GULP1: variants seen among roughly 807,000 people sequenced by gnomAD.
GULP1 encodes GULP PTB domain containing engulfment adaptor 1.
Under a neutral mutation model 40.9 loss-of-function variants are expected in GULP1, and 19 were observed. That is an observed-to-expected ratio of 0.46 (90% CI 0.32 to 0.68). The LOEUF is 0.68. GULP1 is among the 30% of genes least tolerant of loss of function. GULP1 has a pLI of 0.03. For synonymous variants in GULP1, 119 were observed against 117.6 expected, an observed-to-expected ratio of 1.01 and a Z score of -0.08; for missense variants, 312 against 362.2, an observed-to-expected ratio of 0.86 and a Z score of 1.12.
At chr2:188,444,728 A>G (rs1034686085) in intron 2 of GULP1, among the ~76,000 whole-genome samples, 1 of 152,208 alleles carries the variant, frequency 6.6e-6, no homozygotes, top group Admixed American at 6.5e-5. Context: ...AGTACTTTGT[A>G]GATTATAAGC....
intron 4 of GULP1, among the ~76,000 whole-genome samples, chr2:188,512,237 A>G (rs1361661279): frequency 1.3e-5 from 2 of 152,148 alleles, no homozygotes; most frequent in Admixed American, 6.5e-5. Flanking sequence ...AGGCTCTGCA[A>G]CATTGGTTAC....
At chr2:188,476,715 T>C (rs911443757) in intron 2 of GULP1, among the ~76,000 whole-genome samples, 1 of 152,138 alleles carries the variant, frequency 6.6e-6, no homozygotes, top group African/African-American at 2.4e-5. Context: ...TTCATGAATA[T>C]TCTGTTGCTA....
chr2:188,429,116 G>A (rs2056564067), intron 2 of GULP1, among the ~76,000 whole-genome samples: 1 of 152,022 alleles, frequency 6.6e-6, no homozygotes, highest in South Asian at 2.1e-4. Context: ...ATCACATGAA[G>A]GCAGTTTATT....
intron 3 of GULP1, among the ~76,000 whole-genome samples, chr2:188,478,070 C>G (rs1396892667): frequency 1.3e-5 from 2 of 152,000 alleles, no homozygotes; most frequent in African/African-American, 4.8e-5. Flanking sequence ...ATTCCCTGGG[C>G]TTACATAAGA....
intron 2 of GULP1, among the ~76,000 whole-genome samples, chr2:188,407,230 G>A (rs1005116894): frequency 6.6e-6 from 1 of 152,128 alleles, no homozygotes; most frequent in Non-Finnish European, 1.5e-5. Context: ...AGTACCACCA[G>A]ACCTATCTTA....
In GULP1 at chr2:188,445,538, C is replaced by T. The variant is rs533314515; in HGVS notation, c.-44-32121C>T. Among the ~76,000 whole-genome samples, 34 of 152,166 alleles carry T rather than the reference C, an allele frequency of 2.2e-4. 1 individual carries two copies. Among genetic ancestry groups the T allele is most frequent in the Admixed American group, 2.2e-3 (34 of 15,260 alleles). The stretch of plus-strand genomic sequence containing the variant: ...AACAATGGAAAAGGCATGTTTGAGA[C>T]CTCATCATGTCTCTTATATCTATTT... On this transcript the variant is annotated intron_variant, in intron 2 of 11. Transcript: ENST00000409830.
chr2:188,504,295 A>G (rs1438309610), intron 4 of GULP1, among the ~76,000 whole-genome samples: 1 of 151,942 alleles, frequency 6.6e-6, no homozygotes, highest in Admixed American at 6.6e-5. Flanking sequence ...GTAGAAATTC[A>G]TTGGGACTTT....
At position 188,541,107 on chromosome 2, in the gene GULP1, T is replaced by G. The variant is rs1270908394; in HGVS notation, c.262-74T>G. 1.8e-5 allele frequency: 23 copies of G among 1,264,728 alleles called. 1 individual carries two copies. Among genetic ancestry groups the G allele is most frequent in the Non-Finnish European group, 2.6e-5 (23 of 888,546 alleles). The allele number at this position is 1,264,728 out of a possible 1,614,324, so 78.3% of individuals were successfully genotyped here. On this transcript the variant is annotated intron_variant, in intron 6 of 11. Coordinates refer to ENST00000409830, the MANE Select transcript of GULP1 (RefSeq NM_016315.4). The stretch of plus-strand genomic sequence containing the variant: ...GTTCTACTTTTAAAGTCACATGTTA[T>G]TAACACAAACGAGTATTTCAGAAAA...
intron 11 of GULP1, chr2:188,588,336 T>G (rs896345841): frequency 3.2e-5 from 6 of 188,970 alleles, no homozygotes; most frequent in Non-Finnish European, 6.7e-5. Context: ...AAGGAAAATC[T>G]TTGTAAGAGT....
chr2:188,444,889 A>G (rs1196757317), intron 2 of GULP1, among the ~76,000 whole-genome samples: 1 of 152,186 alleles, frequency 6.6e-6, no homozygotes, highest in East Asian at 1.9e-4. Context: ...TACCAAATGT[A>G]TCTTTTTAGA....
At chr2:188,463,137 T>G (rs2059844915) in intron 2 of GULP1, among the ~76,000 whole-genome samples, 1 of 152,208 alleles carries the variant, frequency 6.6e-6, no homozygotes, top group African/African-American at 2.4e-5. Flanking sequence ...CATTTCTTAT[T>G]GCTCATTAAC....
intron 1 of GULP1, among the ~76,000 whole-genome samples, chr2:188,338,334 T>C (rs1254598304): frequency 6.6e-6 from 1 of 151,234 alleles, no homozygotes; most frequent in Non-Finnish European, 1.5e-5. Context: ...GCTGGAGTGC[T>C]GTGGTGAGAC....
At chr2:188,422,315 G>A (rs1398901525) in intron 2 of GULP1, among the ~76,000 whole-genome samples, 2 of 151,080 alleles carry the variant, frequency 1.3e-5, no homozygotes, top group African/African-American at 4.9e-5. Flanking sequence ...TATAAATTTT[G>A]ATGTATTGAT....
intron 2 of GULP1, among the ~76,000 whole-genome samples, chr2:188,420,110 G>T (rs1004707461): frequency 1.3e-5 from 2 of 151,938 alleles, no homozygotes; most frequent in Non-Finnish European, 2.9e-5. Context: ...AATACATTTT[G>T]GTATCAAGAA....
chr2:188,410,204 A>C (rs1279959724), intron 2 of GULP1, among the ~76,000 whole-genome samples: 2 of 152,194 alleles, frequency 1.3e-5, no homozygotes, highest in African/African-American at 4.8e-5. Context: ...AAAAACTCAA[A>C]ATGATTTAAA....
rs1363725184 is a variant in GULP1, at chr2:188,292,902, C to T, written c.-172+736C>T. The T allele has an allele frequency of 1.3e-5, 2 of 152,526 alleles. No individual in the cohort carries two copies. Among genetic ancestry groups the T allele is most frequent in the Admixed American group, 6.5e-5 (1 of 15,292 alleles). 9.4% of individuals were successfully genotyped at this position (152,526 alleles called of 1,614,324 possible). ...GCTCCGACTGCTAAATTCGCTTGGC[C>T]GGGTCCACCTTCTCGTGGCCTCACT... On this transcript the variant is annotated intron_variant, in intron 1 of 11. Coordinates refer to ENST00000409830, the MANE Select transcript of GULP1 (RefSeq NM_016315.4). This position sits in a 1 kb window ranked among gnomAD's most constrained non-coding sequence, Gnocchi z 4.0.
chr2:188,320,397 C>T (rs1574387614), intron 1 of GULP1, among the ~76,000 whole-genome samples: 1 of 152,196 alleles, frequency 6.6e-6, no homozygotes, highest in Non-Finnish European at 1.5e-5. Context: ...TATGTATTTG[C>T]TGCATCATTA....
chr2:188,419,165 G>T (rs754876746), intron 2 of GULP1, among the ~76,000 whole-genome samples: 51 of 152,124 alleles, frequency 3.4e-4, no homozygotes, highest in South Asian at 6.2e-4. Flanking sequence ...ACTGTACATA[G>T]GCATGCTGGT....
intron 4 of GULP1, among the ~76,000 whole-genome samples, chr2:188,509,339 A>G (rs896152928): frequency 6.6e-6 from 1 of 152,132 alleles, no homozygotes; most frequent in Non-Finnish European, 1.5e-5. Flanking sequence ...AAGGTAAAAC[A>G]GGATCCAGCC....
Sources: allele counts gnomAD v4.1 joint callset (sites outside exome capture counted in the v4.1 genomes callset), GRCh38; gene constraint gnomAD v4.1.1; non-coding constraint Gnocchi (gnomAD v3.1); transcripts MANE v1.5; gene names NCBI Gene and HGNC (gene_info 2026-07-23, HGNC 2026-07-21).